The following UPP2 variants were observed in gnomAD, a reference collection of about 807,000 sequenced individuals.
The protein encoded by UPP2 is uridine phosphorylase 2.
In UPP2, 23 loss-of-function variants were observed where a neutral mutation model predicts 26.7. The ratio of observed to expected loss-of-function variants is 0.86; its 90% confidence interval spans 0.62 to 1.22. The LOEUF (loss-of-function observed/expected upper bound fraction) is 1.22. UPP2 is among the 50% of genes most tolerant of loss of function. UPP2 has a pLI of 0.00. For synonymous variants in UPP2, 127 were observed against 141.3 expected, an observed-to-expected ratio of 0.90 and a Z score of 0.72; for missense variants, 387 against 396.7, an observed-to-expected ratio of 0.98 and a Z score of 0.21.
At chr2:158,120,450 T>C (rs945087551) in intron 4 of UPP2, among the ~76,000 whole-genome samples, 1 of 152,090 alleles carries the variant, frequency 6.6e-6, no homozygotes, top group African/African-American at 2.4e-5. Context: ...CAAATTTTTA[T>C]TGAGTACCTA....
chr2:158,071,593 C>T (rs1351107225), intron 3 of UPP2, among the ~76,000 whole-genome samples: 1 of 141,556 alleles, frequency 7.1e-6, no homozygotes, highest in Non-Finnish European at 1.5e-5. Context: ...CTACTTCCTT[C>T]TATTTAAGGA....
chr2:158,044,865 C>T (rs1054385510), intron 3 of UPP2, among the ~76,000 whole-genome samples: 1 of 152,150 alleles, frequency 6.6e-6, no homozygotes, highest in African/African-American at 2.4e-5. Flanking sequence ...AGCCTTAACT[C>T]CGCTCCATGT....
At chr2:158,091,534 A>G (rs75174719) in intron 3 of UPP2, among the ~76,000 whole-genome samples, 3,344 of 152,342 alleles carry the variant, frequency 0.022, 122 homozygotes, top group African/African-American at 0.073. Context: ...ATCTCAATGC[A>G]TGGTATATTT....
chr2:158,048,822 G>A (rs1682099545), intron 3 of UPP2, among the ~76,000 whole-genome samples: 1 of 152,210 alleles, frequency 6.6e-6, no homozygotes, highest in African/African-American at 2.4e-5. Flanking sequence ...TTGAAAAGGA[G>A]GAAGGCAGAA....
At chr2:158,022,337 T>C (rs1382583634) in intron 3 of UPP2, among the ~76,000 whole-genome samples, 1 of 151,336 alleles carries the variant, frequency 6.6e-6, no homozygotes, top group Non-Finnish European at 1.5e-5. Flanking sequence ...CGGGCGCCTG[T>C]AATCCCAGCT....
In UPP2 at chr2:158,066,610, G is replaced by C. The variant is rs116490065; in HGVS notation, c.148-35430G>C. On this transcript the variant is annotated intron_variant, in intron 3 of 9. Coordinates refer to the UPP2 transcript ENST00000605860. Reference sequence around the variant, plus strand: ...CCCACATTCATGCTAGCAAATATCAGATTTGTTTAACCATTGATTCTTTTT... The same window carrying C: ...CCCACATTCATGCTAGCAAATATCACATTTGTTTAACCATTGATTCTTTTT... Among the ~76,000 whole-genome samples, 554 of 144,410 alleles carry C rather than the reference G, an allele frequency of 3.8e-3. 3 individuals are homozygous for C. Among genetic ancestry groups the C allele is most frequent in the African/African-American group, 0.014 (535 of 38,950 alleles). 94.7% of individuals were successfully genotyped at this position (144,410 alleles called of 152,430 possible).
intron 3 of UPP2, among the ~76,000 whole-genome samples, chr2:158,036,481 A>G (rs1684001988): frequency 6.6e-6 from 1 of 152,156 alleles, no homozygotes; most frequent in Admixed American, 6.5e-5. Flanking sequence ...CCAGGCCATT[A>G]GTGTGGGCCT....
In UPP2 at chr2:158,115,106, CTG is replaced by C. The variant is rs772544876; in HGVS notation, c.190_191del (p.Val64ArgfsTer21). On this transcript the variant is annotated frameshift_variant, in exon 3 of 7. Coordinates refer to ENST00000005756, the MANE Select transcript of UPP2 (RefSeq NM_173355.4). LOFTEE classifies it high-confidence loss of function. Reference sequence around the variant, plus strand: ...TTGTTTATTTTTATTAACAGTTTGTCTGTGTCGGTGGGAGCCCCAACAGAATG... The same window carrying C: ...TTGTTTATTTTTATTAACAGTTTGTCTGTCGGTGGGAGCCCCAACAGAATG... ...PAMFGDVKFV[C>X]VGGSPNRMKA... 2 of 1,601,032 alleles carry C rather than the reference CTG, an allele frequency of 1.2e-6. No homozygotes were observed. The highest frequency in any genetic ancestry group is 1.7e-6 in the Non-Finnish European group (2 of 1,175,834).
chr2:158,108,898 G>GTT (rs1683252663), intron 2 of UPP2, among the ~76,000 whole-genome samples: 3 of 148,280 alleles, frequency 2.0e-5, no homozygotes, highest in African/African-American at 7.5e-5. Context: ...GTGTGTGTGT[G>GTT]TGTGTGTGTG....
intron 6 of UPP2, among the ~76,000 whole-genome samples, chr2:158,131,668 T>A (rs1199019558): frequency 6.6e-6 from 1 of 152,124 alleles, no homozygotes; most frequent in Non-Finnish European, 1.5e-5. Context: ...TCACTGACAA[T>A]CTCCTTGGTG....
At chr2:158,013,350 C>T (rs1386732624) in intron 2 of UPP2, among the ~76,000 whole-genome samples, 1 of 152,124 alleles carries the variant, frequency 6.6e-6, no homozygotes, top group Non-Finnish European at 1.5e-5. Context: ...CATGAGGATG[C>T]ATTAAAGGGG....
rs116599527 is a variant in UPP2, at chr2:158,108,950, A to G, written c.180+2734A>G. On this transcript the variant is annotated intron_variant, in intron 2 of 6. Coordinates refer to ENST00000005756, the MANE Select transcript of UPP2 (RefSeq NM_173355.4). ...TGTGTGTGTTTGTAAATTGAGGAGC[A>G]GGTAACCTAGCTCCAAATGTTCAGA... Among the ~76,000 whole-genome samples the G allele has an allele frequency of 8.4e-3, 1,260 of 149,548 alleles. 24 individuals are homozygous for G. The highest frequency in any genetic ancestry group is 0.028 in the African/African-American group (1,150 of 40,522).
intron 3 of UPP2, among the ~76,000 whole-genome samples, chr2:158,032,923 G>A (rs1014076432): frequency 6.6e-6 from 1 of 152,112 alleles, no homozygotes. Context: ...GCATTTTCCT[G>A]ACCTCTTTCA....
chr2:158,068,781 TA>T (rs1682479880), intron 3 of UPP2, among the ~76,000 whole-genome samples: 2 of 10,136 alleles, frequency 2.0e-4, no homozygotes, highest in East Asian at 1.5e-3. Flanking sequence ...TATATATATA[TA>T]TATATATATA....
At chr2:158,074,457 G>C (rs1338497653) in intron 3 of UPP2, among the ~76,000 whole-genome samples, 2 of 152,002 alleles carry the variant, frequency 1.3e-5, no homozygotes, top group Non-Finnish European at 2.9e-5. Context: ...GTTTTTATTA[G>C]TTTTTTTGTT....
At chr2:158,023,446 T>G (rs1683786962) in intron 3 of UPP2, among the ~76,000 whole-genome samples, 1 of 152,194 alleles carries the variant, frequency 6.6e-6, no homozygotes, top group African/African-American at 2.4e-5. Context: ...CCTCTCCCTC[T>G]GAAAGCTCAA....
chr2:158,056,169 A>G (rs2105175005), intron 3 of UPP2, among the ~76,000 whole-genome samples: 1 of 152,324 alleles, frequency 6.6e-6, no homozygotes, highest in Non-Finnish European at 1.5e-5. Context: ...TTATTTCAAC[A>G]ATTGCTGAAA....
intron 3 of UPP2, among the ~76,000 whole-genome samples, chr2:158,116,952 C>T (rs1032607927): frequency 1.3e-5 from 2 of 149,852 alleles, no homozygotes; most frequent in African/African-American, 2.4e-5. Flanking sequence ...TCTTGATAGA[C>T]GGAGGAAGCT....
chr2:158,045,649 G>C lies in UPP2; in HGVS notation c.147+29763G>C, dbSNP rs187994880. Among the ~76,000 whole-genome samples the C allele has an allele frequency of 2.8e-3, 430 of 152,260 alleles. 4 individuals are homozygous for C. The highest frequency in any genetic ancestry group is 9.8e-3 in the African/African-American group (406 of 41,546). ...GTTTTACTTTTTGGGTTGGCTTTTG[G>C]TGCTCCAGTGATGTAGATTCAATGT... On this transcript the variant is annotated intron_variant, in intron 3 of 9. Coordinates refer to the UPP2 transcript ENST00000605860.
Sources: gnomAD v4.1 joint callset for allele counts (sites outside exome capture counted in the v4.1 genomes callset) on GRCh38, gnomAD v4.1.1 for gene constraint, MANE v1.5 for transcripts, NCBI Gene and HGNC (gene_info 2026-07-23, HGNC 2026-07-21) for gene names.